The following ASTN1 variants were observed in gnomAD, a reference collection of about 807,000 sequenced individuals.
The protein encoded by ASTN1 is astrotactin 1.
Under a neutral mutation model 140.7 loss-of-function variants are expected in ASTN1, and 41 were observed. The ratio of observed to expected loss-of-function variants is 0.29; its 90% confidence interval spans 0.23 to 0.38. The LOEUF is 0.38. Among genes scored for constraint, ASTN1 ranks in the 10% least tolerant of loss-of-function variants. ASTN1 has a pLI of 1.00. For synonymous variants in ASTN1, 640 were observed against 652.2 expected, an observed-to-expected ratio of 0.98 and a Z score of 0.29; for missense variants, 1,479 against 1,678.8, an observed-to-expected ratio of 0.88 and a Z score of 2.08.
At chr1:177,101,480 C>A (rs1234326428) in intron 1 of ASTN1, among the ~76,000 whole-genome samples, 2 of 152,156 alleles carry the variant, frequency 1.3e-5, no homozygotes, top group Non-Finnish European at 2.9e-5. Context: ...TGTAAGGTAG[C>A]TTTACATAAA....
intron 3 of ASTN1, among the ~76,000 whole-genome samples, chr1:177,031,359 C>T (rs1214168220): frequency 4.6e-5 from 7 of 152,120 alleles, no homozygotes; most frequent in South Asian, 2.1e-4. Context: ...TCACAGTCTG[C>T]GCCATTCTGT....
chr1:177,009,292 G>A (rs1675165681), intron 8 of ASTN1, among the ~76,000 whole-genome samples: 2 of 152,152 alleles, frequency 1.3e-5, no homozygotes, highest in African/African-American at 2.4e-5. Flanking sequence ...AGAACTCAGA[G>A]GCAAAGGTAT....
At chr1:176,916,934 C>T (rs949384862) in intron 16 of ASTN1, among the ~76,000 whole-genome samples, 6 of 152,186 alleles carry the variant, frequency 3.9e-5, no homozygotes, top group South Asian at 2.1e-4. Flanking sequence ...TCCAGCCTCA[C>T]TTCCCCTACT....
intron 2 of ASTN1, among the ~76,000 whole-genome samples, chr1:177,034,577 C>G (rs1233343567): frequency 1.3e-5 from 2 of 152,166 alleles, no homozygotes; most frequent in Non-Finnish European, 2.9e-5. Context: ...CCTGCAGACA[C>G]ACACACAGAG....
chr1:177,110,928 G>A (rs561053811), intron 1 of ASTN1, among the ~76,000 whole-genome samples: 1 of 152,288 alleles, frequency 6.6e-6, no homozygotes, highest in East Asian at 1.9e-4. Context: ...AAGTGGGCTT[G>A]ATTTAGAAAA....
chr1:176,894,869 A>C, intron 16 of ASTN1, 39 bp from the exon 17 acceptor site: 1 of 1,608,638 alleles, frequency 6.2e-7, no homozygotes, highest in South Asian at 1.1e-5. Flanking sequence ...GAAGGAGTCA[A>C]AAAAGTAAGG....
intron 8 of ASTN1, among the ~76,000 whole-genome samples, chr1:176,984,973 A>T (rs1673816054): frequency 6.6e-6 from 1 of 152,110 alleles, no homozygotes; most frequent in Admixed American, 6.6e-5. Flanking sequence ...ATGAGCTACT[A>T]CCTGTACCCA....
intron 18 of ASTN1, among the ~76,000 whole-genome samples, chr1:176,885,679 A>G (rs185456089): frequency 3.9e-5 from 6 of 152,306 alleles, no homozygotes; most frequent in Admixed American, 2.6e-4. Context: ...ACACCAAACC[A>G]TCTGCAATCT....
chr1:176,997,452 T>C (rs977387437), intron 8 of ASTN1, among the ~76,000 whole-genome samples: 6 of 152,028 alleles, frequency 3.9e-5, no homozygotes, highest in African/African-American at 1.4e-4. Flanking sequence ...TAGAGGACTA[T>C]TGTGAGGATC....
intron 8 of ASTN1, among the ~76,000 whole-genome samples, chr1:176,970,338 T>G (rs1673083994): frequency 6.6e-6 from 1 of 152,196 alleles, no homozygotes. Flanking sequence ...CCAGCCTGAC[T>G]GGATGCTCCC....
chr1:177,042,330 C>T (rs1677017789), intron 2 of ASTN1, among the ~76,000 whole-genome samples: 1 of 152,188 alleles, frequency 6.6e-6, no homozygotes, highest in African/African-American at 2.4e-5. Context: ...TTCTCTTTTA[C>T]AGTGGGATTT....
chr1:177,050,898 G>A (rs764238133), intron 2 of ASTN1, among the ~76,000 whole-genome samples: 1 of 152,056 alleles, frequency 6.6e-6, no homozygotes, highest in Non-Finnish European at 1.5e-5. Context: ...ATCCAGGCAT[G>A]TCACACATTT....
chr1:177,156,298 A>T (rs1473888224), intron 1 of ASTN1, among the ~76,000 whole-genome samples: 2 of 151,724 alleles, frequency 1.3e-5, no homozygotes, highest in African/African-American at 4.8e-5. Flanking sequence ...AAACCCAACA[A>T]CACCATATGC....
intron 1 of ASTN1, among the ~76,000 whole-genome samples, chr1:177,160,662 G>T (rs1189147461): frequency 6.6e-5 from 10 of 152,282 alleles, no homozygotes; most frequent in African/African-American, 1.9e-4. Context: ...ATGCTCCAAA[G>T]CAGGAATGTC....
chr1:176,963,525 C>A (rs1672754192), intron 9 of ASTN1, among the ~76,000 whole-genome samples: 2 of 152,216 alleles, frequency 1.3e-5, no homozygotes, highest in South Asian at 4.1e-4. Context: ...CCTCATGGGT[C>A]AAACCACACA....
intron 1 of ASTN1, among the ~76,000 whole-genome samples, chr1:177,116,007 G>A (rs1009820341): frequency 2.6e-5 from 4 of 152,140 alleles, no homozygotes; most frequent in African/African-American, 9.7e-5. Context: ...ATGAAAATCT[G>A]GAGGGTGAGG....
At chr1:177,024,821 C>G in intron 5 of ASTN1, 89 bp from the exon 6 acceptor site, 1 of 1,439,302 alleles carries the variant, frequency 6.9e-7, no homozygotes, top group East Asian at 2.4e-5. Flanking sequence ...TCCTGGCAAA[C>G]AGGGGAGACA....
At chr1:176,935,979 A>G in intron 15 of ASTN1, 2 of 472,150 alleles carry the variant, frequency 4.2e-6, no homozygotes, top group Non-Finnish European at 7.8e-6. Context: ...TATCCTCTCC[A>G]CATACTGGAT....
intron 1 of ASTN1, among the ~76,000 whole-genome samples, chr1:177,069,939 T>A (rs190809449): frequency 1.5e-4 from 23 of 152,310 alleles, no homozygotes; most frequent in African/African-American, 4.8e-4. Context: ...AAGGATTTTT[T>A]ACTTATATCT....
Sources: gnomAD v4.1 joint callset for allele counts (sites outside exome capture counted in the v4.1 genomes callset) on GRCh38, gnomAD v4.1.1 for gene constraint, MANE v1.5 for transcripts, NCBI Gene and HGNC (gene_info 2026-07-23, HGNC 2026-07-21) for gene names.